Variants in MTUS1 observed in about 807,000 individuals in gnomAD.
MTUS1 encodes the protein microtubule associated scaffold protein 1.
MTUS1 carries 109 observed loss-of-function variants against 120.8 expected under a neutral mutation model. The observed-to-expected ratio is 0.90, with a 90% CI of 0.77 to 1.06. The LOEUF (loss-of-function observed/expected upper bound fraction) is 1.06. MTUS1 is among the 50% of genes least tolerant of loss of function. The pLI, the probability that MTUS1 is intolerant of heterozygous loss-of-function variation, is 0.00. For missense variants in MTUS1, 2,210 were observed against 1,486.3 expected (o/e 1.49, Z -8.01); for synonymous variants, 737 against 550.5 (o/e 1.34, Z -4.74).
chr8:17,780,538 A>C (rs546855448), intron 1 of MTUS1, among the ~76,000 whole-genome samples: 1 of 152,146 alleles, frequency 6.6e-6, no homozygotes, highest in South Asian at 2.1e-4. Flanking sequence ...CCTCAAGCCA[A>C]AAACCTAGGA....
chr8:17,793,001 C>A (rs138453754), intron 1 of MTUS1, among the ~76,000 whole-genome samples: 1 of 152,150 alleles, frequency 6.6e-6, no homozygotes, highest in East Asian at 1.9e-4. Context: ...CTCTGAAACA[C>A]AAATCTTATT....
intron 1 of MTUS1, among the ~76,000 whole-genome samples, chr8:17,774,058 G>A (rs774474379): frequency 2.0e-5 from 3 of 152,130 alleles, no homozygotes; most frequent in Middle Eastern, 3.4e-3. Flanking sequence ...AATCCTGCTG[G>A]TAAAGGCAGT....
intron 1 of MTUS1, among the ~76,000 whole-genome samples, chr8:17,771,565 T>C (rs2050026554): frequency 6.6e-6 from 1 of 152,222 alleles, no homozygotes; most frequent in Non-Finnish European, 1.5e-5. Context: ...TACAAAATAG[T>C]CAGTGTAGTC....
intron 6 of MTUS1, chr8:17,705,917 C>T (rs1165339469): frequency 6.6e-6 from 1 of 152,166 alleles, no homozygotes; most frequent in Admixed American, 6.5e-5. Flanking sequence ...TATGGTAGAA[C>T]CAAGGTAATA....
intron 6 of MTUS1, among the ~76,000 whole-genome samples, chr8:17,704,406 T>C (rs1322536856): frequency 1.3e-5 from 2 of 152,200 alleles, no homozygotes; most frequent in East Asian, 3.9e-4. Context: ...TAGTTTCAGA[T>C]CTTATATTTA....
chr8:17,671,193 T>C (rs145129771), intron 8 of MTUS1, among the ~76,000 whole-genome samples: 1 of 152,102 alleles, frequency 6.6e-6, no homozygotes, highest in East Asian at 1.9e-4. Flanking sequence ...AAAGGGAATA[T>C]GCAAATAAAG....
chr8:17,767,812 G>A (rs1028005572), intron 1 of MTUS1, among the ~76,000 whole-genome samples: 4 of 151,954 alleles, frequency 2.6e-5, no homozygotes, highest in African/African-American at 9.7e-5. Context: ...CAGCTCAAGA[G>A]TTTGGCTTCT....
chr8:17,759,259 C>G (rs979572831), intron 1 of MTUS1, among the ~76,000 whole-genome samples: 4 of 148,980 alleles, frequency 2.7e-5, no homozygotes, highest in African/African-American at 9.8e-5. Context: ...TACCAGTTGT[C>G]TTTTTTTATT....
At chr8:17,699,665 T>C (rs937934381) in intron 6 of MTUS1, among the ~76,000 whole-genome samples, 1 of 152,354 alleles carries the variant, frequency 6.6e-6, no homozygotes, top group Admixed American at 6.5e-5. Flanking sequence ...GTTAATGATA[T>C]CTCTTAACAG....
chr8:17,707,503 C>T (rs552724362), intron 6 of MTUS1, among the ~76,000 whole-genome samples: 21 of 152,156 alleles, frequency 1.4e-4, no homozygotes, highest in African/African-American at 5.1e-4. Flanking sequence ...CTAGATTAAG[C>T]TGCAATGTTG....
intron 8 of MTUS1, among the ~76,000 whole-genome samples, chr8:17,669,780 G>C (rs187232100): frequency 2.6e-5 from 4 of 152,294 alleles, no homozygotes; most frequent in East Asian, 1.9e-4. Context: ...AGGAGGTGGA[G>C]GTTGCAGTGA....
intron 8 of MTUS1, chr8:17,664,224 G>T (rs1758012367): frequency 6.6e-6 from 1 of 152,112 alleles, no homozygotes; most frequent in African/African-American, 2.4e-5. Context: ...CGCTACTATT[G>T]TTCTTGACAT....
chr8:17,787,318 A>G (rs1188637282), intron 1 of MTUS1, among the ~76,000 whole-genome samples: 1 of 152,236 alleles, frequency 6.6e-6, no homozygotes, highest in Non-Finnish European at 1.5e-5. Flanking sequence ...TGTGACAGAC[A>G]GGTCACATGA....
At chr8:17,781,045 T>G (rs2050838548) in intron 1 of MTUS1, 1 of 152,174 alleles carries the variant, frequency 6.6e-6, no homozygotes, top group African/African-American at 2.4e-5. Context: ...GCAAACAGAA[T>G]TATCCTCTTA....
At chr8:17,787,326 T>C (rs896730349) in intron 1 of MTUS1, among the ~76,000 whole-genome samples, 7 of 152,208 alleles carry the variant, frequency 4.6e-5, no homozygotes, top group Non-Finnish European at 8.8e-5. Flanking sequence ...ACAGGTCACA[T>C]GACAGTCACA....
At chr8:17,797,328 G>C (rs2052323702) in intron 1 of MTUS1, among the ~76,000 whole-genome samples, 1 of 152,158 alleles carries the variant, frequency 6.6e-6, no homozygotes, top group South Asian at 2.1e-4. Flanking sequence ...CGGGAGGATA[G>C]CTTGAGCCTG....
intron 2 of MTUS1, among the ~76,000 whole-genome samples, chr8:17,746,310 C>T (rs1425439055): frequency 6.6e-6 from 1 of 152,174 alleles, no homozygotes; most frequent in Non-Finnish European, 1.5e-5. Flanking sequence ...ATATACCTAA[C>T]TTCTTTCTAT....
intron 9 of MTUS1, chr8:17,654,944 T>C (rs2130235636): frequency 2.6e-6 from 1 of 380,726 alleles, no homozygotes; most frequent in East Asian, 4.3e-5. Flanking sequence ...ACACAAAGAA[T>C]GCATGAAGAG....
At chr8:17,655,761 C>A in intron 9 of MTUS1, 102 bp downstream of exon 9, 1 of 985,860 alleles carries the variant, frequency 1.0e-6, no homozygotes, top group Non-Finnish European at 1.6e-6. Context: ...CTTTTTATAC[C>A]TATTAGACTA....
Sources: allele counts gnomAD v4.1 joint callset (sites outside exome capture counted in the v4.1 genomes callset), GRCh38; gene constraint gnomAD v4.1.1; transcripts MANE v1.5; gene names NCBI Gene and HGNC (gene_info 2026-07-23, HGNC 2026-07-21).